The following SEMA3A variants were observed in gnomAD, a reference collection of about 807,000 sequenced individuals.
SEMA3A encodes the protein semaphorin 3A.
A neutral mutation model predicts 97.9 loss-of-function variants in SEMA3A; 29 were observed. The ratio of observed to expected loss-of-function variants is 0.30; its 90% CI spans 0.22 to 0.40. The LOEUF (loss-of-function observed/expected upper bound fraction) is 0.40, where lower values mean the gene tolerates loss of function less well. SEMA3A is among the 10% of genes least tolerant of loss of function. The pLI is 1.00. For synonymous variants in SEMA3A, 321 were observed against 323.7 expected, an observed-to-expected ratio of 0.99 and a Z score of 0.09; for missense variants, 763 against 951.3, an observed-to-expected ratio of 0.80 and a Z score of 2.60.
chr7:84,442,479 A>C (rs1805296780), intron 1 of SEMA3A, among the ~76,000 whole-genome samples: 1 of 152,060 alleles, frequency 6.6e-6, no homozygotes, highest in Non-Finnish European at 1.5e-5. Flanking sequence ...TAAACACAAT[A>C]AGCAATGAGG....
At chr7:84,308,621 G>C (rs1056397139) in intron 2 of SEMA3A, among the ~76,000 whole-genome samples, 14 of 152,104 alleles carry the variant, frequency 9.2e-5, no homozygotes, top group African/African-American at 3.1e-4. Context: ...TCGGGAAGGG[G>C]CCAGAGGTTG....
At chr7:84,089,955 T>G (rs947437136) in intron 4 of SEMA3A, among the ~76,000 whole-genome samples, 2 of 151,936 alleles carry the variant, frequency 1.3e-5, no homozygotes, top group Admixed American at 1.3e-4. Context: ...AATTCATTCT[T>G]AGAAAAATAT....
intron 5 of SEMA3A, among the ~76,000 whole-genome samples, chr7:84,051,705 T>A (rs1206870143): frequency 3.3e-5 from 5 of 151,430 alleles, no homozygotes. Flanking sequence ...CCTTTATTTC[T>A]TTCTCCTGCC....
At chr7:84,312,879 T>C (rs533517783) in intron 2 of SEMA3A, among the ~76,000 whole-genome samples, 2,762 of 24,810 alleles carry the variant, frequency 0.11, 56 homozygotes, top group South Asian at 0.13. Flanking sequence ...GTTTTATATA[T>C]ATATATATAT....
chr7:84,417,018 T>C (rs942634851), intron 1 of SEMA3A, among the ~76,000 whole-genome samples: 2 of 151,978 alleles, frequency 1.3e-5, no homozygotes, highest in African/African-American at 4.8e-5. Flanking sequence ...TTTTAAACTT[T>C]AATTTATTTG....
At chr7:84,090,190 G>C (rs1794518703) in intron 4 of SEMA3A, among the ~76,000 whole-genome samples, 1 of 152,080 alleles carries the variant, frequency 6.6e-6, no homozygotes, top group East Asian at 1.9e-4. Context: ...TTTAAAGTTT[G>C]ATTTGGAAAG....
intron 1 of SEMA3A, among the ~76,000 whole-genome samples, chr7:84,146,262 TAATC>T (rs1370276932): frequency 1.3e-5 from 2 of 152,304 alleles, no homozygotes; most frequent in Admixed American, 6.5e-5. Flanking sequence ...GTTAACTAGA[TAATC>T]AATCATTAAA....
At chr7:84,244,509 T>C (rs961743492) in intron 3 of SEMA3A, among the ~76,000 whole-genome samples, 1 of 152,182 alleles carries the variant, frequency 6.6e-6, no homozygotes, top group African/African-American at 2.4e-5. Flanking sequence ...GTGTCTTAAA[T>C]AGAGCACACG....
intron 3 of SEMA3A, among the ~76,000 whole-genome samples, chr7:84,202,546 G>A (rs756609744): frequency 7.9e-5 from 12 of 152,158 alleles, no homozygotes; most frequent in Non-Finnish European, 1.0e-4. Flanking sequence ...TTCTTGGGCT[G>A]TTGACATGAC....
rs148484747 is a variant in SEMA3A at position 84,128,982 on chromosome 7, G to T, written c.333+141C>A. The T allele has an allele frequency of 9.0e-4, 571 of 636,754 alleles. 2 individuals carry two copies. In the African/African-American group the frequency reaches 9.6e-3, roughly 11 times the overall value. 39.4% of individuals were successfully genotyped at this position (636,754 alleles called of 1,614,324 possible). A position where few individuals can be genotyped will look rare whatever the true frequency, so the allele number is the denominator to read the frequency against. Reference sequence around the variant, plus strand: ...TTTTAGTATTGGGTTCTATCCTAAAGATATCTTATTATATATATGAAAAGA... The same window carrying T: ...TTTTAGTATTGGGTTCTATCCTAAATATATCTTATTATATATATGAAAAGA... On this transcript the variant is annotated intron_variant, in intron 3 of 16. Transcript: ENST00000265362.
At chr7:84,209,721 G>C (rs1162327415) in intron 3 of SEMA3A, among the ~76,000 whole-genome samples, 1 of 152,100 alleles carries the variant, frequency 6.6e-6, no homozygotes, top group Non-Finnish European at 1.5e-5. Flanking sequence ...TGTAATGGCT[G>C]TTATATAATA....
chr7:84,148,035 G>A (rs1796515476), intron 1 of SEMA3A, among the ~76,000 whole-genome samples: 1 of 151,696 alleles, frequency 6.6e-6, no homozygotes, highest in Non-Finnish European at 1.5e-5. Flanking sequence ...TCGGCCTCCT[G>A]AGTAGCTGGT....
At chr7:84,191,026 G>T (rs1033501295) in intron 1 of SEMA3A, among the ~76,000 whole-genome samples, 1 of 150,018 alleles carries the variant, frequency 6.7e-6, no homozygotes, top group Non-Finnish European at 1.5e-5. Context: ...TTAAAGGAAA[G>T]ACAAGAAGTT....
chr7:84,321,377 T>A (rs1038746077), intron 2 of SEMA3A, among the ~76,000 whole-genome samples: 1 of 152,166 alleles, frequency 6.6e-6, no homozygotes, highest in African/African-American at 2.4e-5. Flanking sequence ...TACTAGTTTA[T>A]GAAAGTGCAA....
At chr7:83,975,159 C>T (rs565163189) in intron 15 of SEMA3A, among the ~76,000 whole-genome samples, 1 of 152,248 alleles carries the variant, frequency 6.6e-6, no homozygotes, top group African/African-American at 2.4e-5. Flanking sequence ...CACAGTCATA[C>T]TTTTCATAAA....
chr7:84,423,387 C>T (rs937603315), intron 1 of SEMA3A, among the ~76,000 whole-genome samples: 4 of 152,024 alleles, frequency 2.6e-5, no homozygotes, highest in African/African-American at 9.7e-5. Context: ...CATATTTCTG[C>T]CTTGAGACCT....
chr7:84,307,981 G>A (rs1771385182), intron 2 of SEMA3A, among the ~76,000 whole-genome samples: 1 of 151,312 alleles, frequency 6.6e-6, no homozygotes, highest in Admixed American at 6.6e-5. Flanking sequence ...GCTGGGCCGA[G>A]GATTTAATAT....
chr7:84,220,765 T>C (rs939000876), intron 3 of SEMA3A, among the ~76,000 whole-genome samples: 3 of 152,258 alleles, frequency 2.0e-5, no homozygotes, highest in Non-Finnish European at 4.4e-5. Context: ...CGGTAACCCA[T>C]GCTCTAATCA....
upstream of SEMA3A, among the ~76,000 whole-genome samples, chr7:84,195,815 A>G (rs550778146): frequency 6.4e-4 from 98 of 152,252 alleles, 2 homozygotes; most frequent in Non-Finnish European, 1.6e-4. Context: ...AGTTCACAAA[A>G]GTCCCTGCTG....
Sources: gnomAD v4.1 joint callset for allele counts (sites outside exome capture counted in the v4.1 genomes callset) on GRCh38, gnomAD v4.1.1 for gene constraint, MANE v1.5 for transcripts, NCBI Gene and HGNC (gene_info 2026-07-23, HGNC 2026-07-21) for gene names.